The following STXBP5 variants were observed in gnomAD, a reference collection of about 807,000 sequenced individuals.
The protein encoded by STXBP5 is syntaxin-binding protein 5.
A neutral mutation model predicts 152.4 loss-of-function variants in STXBP5; 50 were observed. That is an observed-to-expected ratio of 0.33 (90% confidence interval 0.26 to 0.42). The LOEUF (loss-of-function observed/expected upper bound fraction) is 0.42, where lower values mean the gene tolerates loss of function less well. Ranked by LOEUF, STXBP5 falls within the 10% of genes least tolerant of loss-of-function variation. The pLI, the probability that STXBP5 is intolerant of heterozygous loss-of-function variation, is 1.00. For missense variants in STXBP5, 1,167 were observed against 1,388.6 expected (o/e 0.84, Z 2.54); for synonymous variants, 492 against 494.7 (o/e 0.99, Z 0.07).
At chr6:147,340,081 T>C (rs1246947859) in intron 21 of STXBP5, among the ~76,000 whole-genome samples, 1 of 152,044 alleles carries the variant, frequency 6.6e-6, no homozygotes, top group Non-Finnish European at 1.5e-5. Flanking sequence ...AAAACACTTT[T>C]AGAAAAAGAG....
chr6:147,351,959 A>T (rs781106429), intron 21 of STXBP5: 2 of 927,312 alleles, frequency 2.2e-6, no homozygotes, highest in Non-Finnish European at 2.6e-6. Context: ...TCCTGTATTA[A>T]CAAATGCTTT....
chr6:147,223,389 A>T lies in STXBP5; in HGVS notation c.249-11861A>T, dbSNP rs73582513. Among the ~76,000 whole-genome samples, 577 of 152,298 alleles carry T rather than the reference A, an allele frequency of 3.8e-3. 2 individuals carry two copies. Among genetic ancestry groups the T allele is most frequent in the African/African-American group, 0.013 (555 of 41,554 alleles). On this transcript the variant is annotated intron_variant, in intron 2 of 27. Transcript: ENST00000321680. ...AAACTGTTGTTTTGAGCATATTTCT[A>T]TTAAGTCAGTCAGAAGCTAATTTAG...
intron 4 of STXBP5, among the ~76,000 whole-genome samples, chr6:147,260,174 A>T (rs1779575159): frequency 6.6e-6 from 1 of 152,172 alleles, no homozygotes; most frequent in Non-Finnish European, 1.5e-5. Context: ...AAGAGAAGAA[A>T]AATATCAAGG....
intron 2 of STXBP5, among the ~76,000 whole-genome samples, chr6:147,209,122 A>AT (rs992271247): frequency 4.3e-4 from 66 of 152,064 alleles, no homozygotes; most frequent in Admixed American, 1.2e-3. Context: ...TTTAAAGTAA[A>AT]TTTTTTTTCT....
chr6:147,317,247 C>A (rs1224190959), intron 16 of STXBP5, among the ~76,000 whole-genome samples: 1 of 152,106 alleles, frequency 6.6e-6, no homozygotes, highest in African/African-American at 2.4e-5. Flanking sequence ...TGAGTCTCTT[C>A]TACTGGTAGA....
In STXBP5 at chr6:147,302,662, G is replaced by A. The variant is rs1366367460; in HGVS notation, c.918-7422G>A. ...AAACCCCGACTCTCCTAAAAATGGA[G>A]AAATTAGCCAGGCATGGTGGCATGT... is the stretch of plus-strand genomic sequence containing the variant. On this transcript the variant is annotated intron_variant, in intron 9 of 27. Transcript: ENST00000321680. 4.6e-5 allele frequency among the ~76,000 whole-genome samples: 7 copies of A among 151,914 alleles called. No homozygotes were observed. The South Asian group carries it at 1.5e-3, about 32-fold the overall frequency.
chr6:147,321,364 A>T (rs1407425290), intron 16 of STXBP5, among the ~76,000 whole-genome samples: 3 of 152,148 alleles, frequency 2.0e-5, no homozygotes, highest in Non-Finnish European at 2.9e-5. Flanking sequence ...AAGGAAGGGG[A>T]TTGATTGAGA....
intron 21 of STXBP5, among the ~76,000 whole-genome samples, chr6:147,349,570 C>A (rs958761086): frequency 6.6e-6 from 1 of 152,160 alleles, no homozygotes; most frequent in Non-Finnish European, 1.5e-5. Context: ...CAAAGTCTCT[C>A]GCTGGTTTTG....
At chr6:147,256,263 T>G (rs1391246917) in intron 4 of STXBP5, among the ~76,000 whole-genome samples, 1 of 152,220 alleles carries the variant, frequency 6.6e-6, no homozygotes, top group Non-Finnish European at 1.5e-5. Context: ...TCAGCAGAGA[T>G]AGCAACAGAA....
intron 9 of STXBP5, among the ~76,000 whole-genome samples, chr6:147,304,373 G>A (rs888975000): frequency 3.9e-5 from 6 of 152,192 alleles, no homozygotes; most frequent in African/African-American, 7.2e-5. Context: ...CTCAAAAGTC[G>A]AGAATTGAGG....
At chr6:147,357,161 A>G (rs1784852952) in intron 22 of STXBP5, among the ~76,000 whole-genome samples, 1 of 152,140 alleles carries the variant, frequency 6.6e-6, no homozygotes, top group Admixed American at 6.6e-5. Flanking sequence ...GGAGAGATAC[A>G]TGGCTATAGG....
chr6:147,241,708 T>TA (rs1227744655), intron 4 of STXBP5, among the ~76,000 whole-genome samples: 2 of 143,002 alleles, frequency 1.4e-5, no homozygotes, highest in East Asian at 3.9e-4. Context: ...TTAGGGATGT[T>TA]ATAGCTGTCA....
chr6:147,263,486 C>G (rs560529822), intron 6 of STXBP5, among the ~76,000 whole-genome samples: 1 of 151,888 alleles, frequency 6.6e-6, no homozygotes, highest in African/African-American at 2.4e-5. Context: ...GCCACTGTGC[C>G]TGGTTTAGAC....
chr6:147,369,966 C>T (rs750474279), intron 25 of STXBP5, among the ~76,000 whole-genome samples: 6 of 151,784 alleles, frequency 4.0e-5, no homozygotes, highest in Admixed American at 6.6e-5. Flanking sequence ...TATTCATAGC[C>T]GCTTTATTTG....
chr6:147,258,100 G>A (rs1779463476), intron 4 of STXBP5, among the ~76,000 whole-genome samples: 1 of 152,198 alleles, frequency 6.6e-6, no homozygotes, highest in Non-Finnish European at 1.5e-5. Context: ...TTCCTTGCAA[G>A]TACTTTTCAA....
intron 4 of STXBP5, among the ~76,000 whole-genome samples, chr6:147,239,525 A>G (rs559015635): frequency 7.2e-5 from 11 of 152,314 alleles, no homozygotes; most frequent in African/African-American, 2.4e-4. Flanking sequence ...AAATCTCTGT[A>G]TAGCTCCCCT....
chr6:147,327,328 G>A (rs1783315646), intron 18 of STXBP5, 52 bp downstream of exon 18: 1 of 1,570,352 alleles, frequency 6.4e-7, no homozygotes, highest in Non-Finnish European at 8.6e-7. Flanking sequence ...TATAAATGCT[G>A]GCTTACTTTT....
At chr6:147,208,882 TAAC>T (rs1776707140) in intron 2 of STXBP5, among the ~76,000 whole-genome samples, 2 of 152,112 alleles carry the variant, frequency 1.3e-5, no homozygotes, top group African/African-American at 4.8e-5. Context: ...TAATAATACA[TAAC>T]AAATTATGAG....
At chr6:147,373,875 C>A in intron 26 of STXBP5, 33 bp downstream of exon 26, 1 of 1,528,920 alleles carries the variant, frequency 6.5e-7, no homozygotes, top group South Asian at 1.2e-5. Context: ...GATAATATAT[C>A]TATAAAACAG....
Sources: gnomAD v4.1 joint callset for allele counts (sites outside exome capture counted in the v4.1 genomes callset) on GRCh38, gnomAD v4.1.1 for gene constraint, MANE v1.5 for transcripts, NCBI Gene and HGNC (gene_info 2026-07-23, HGNC 2026-07-21) for gene names.